Variants in CCDC169 observed in about 807,000 individuals in gnomAD.
The protein encoded by CCDC169 is coiled-coil domain containing 169.
In CCDC169, 30 loss-of-function variants were observed where a neutral mutation model predicts 36.0. The observed-to-expected ratio is 0.83, with a 90% confidence interval of 0.62 to 1.13. The LOEUF (loss-of-function observed/expected upper bound fraction) is 1.13, where lower values mean the gene tolerates loss of function less well. CCDC169 is among the 50% of genes most tolerant of loss of function. CCDC169 has a pLI of 0.00. For missense variants in CCDC169, 245 were observed against 245.9 expected (o/e 1.00, Z 0.03); for synonymous variants, 85 against 81.5 (o/e 1.04, Z -0.23).
chr13:36,297,609 C>T (rs1336207133), intron 1 of CCDC169, 28 bp downstream of exon 1: 2 of 1,544,064 alleles, frequency 1.3e-6, no homozygotes, highest in African/African-American at 1.4e-5. Context: ...GTGGACGGGA[C>T]CCCACACCGC....
At chr13:36,257,711 A>G (rs1874091039) in intron 4 of CCDC169, among the ~76,000 whole-genome samples, 1 of 146,578 alleles carries the variant, frequency 6.8e-6, no homozygotes, top group African/African-American at 2.6e-5. Flanking sequence ...AAAAAAAAAG[A>G]AAAAAAGAAA....
chr13:36,266,450 C>CA (rs1013550971), intron 4 of CCDC169, among the ~76,000 whole-genome samples: 5 of 152,126 alleles, frequency 3.3e-5, no homozygotes, highest in Admixed American at 2.6e-4. Context: ...GATGTCCTGT[C>CA]AGAGTTTTCA....
chr13:36,224,059 T>G (rs1300789874), downstream of CCDC169: 3 of 152,168 alleles, frequency 2.0e-5, no homozygotes, highest in Non-Finnish European at 4.4e-5. Context: ...CTTTATAAAT[T>G]TTTTAAAAAT....
intron 7 of CCDC169, 50 bp from the exon 8 acceptor site, chr13:36,231,342 A>T (rs1422975086): frequency 3.3e-6 from 5 of 1,518,158 alleles, no homozygotes; most frequent in Middle Eastern, 1.7e-4. Context: ...ATTATGTACA[A>T]CAAAAACATT....
chr13:36,271,761 T>A (rs775341782), intron 4 of CCDC169, among the ~76,000 whole-genome samples: 11 of 151,270 alleles, frequency 7.3e-5, no homozygotes, highest in Non-Finnish European at 1.6e-4. Flanking sequence ...CAGAAGGGGG[T>A]GGCTGGGAGG....
At chr13:36,248,802 A>T in intron 6 of CCDC169, 120 bp from the exon 7 acceptor site, 2 of 832,274 alleles carry the variant, frequency 2.4e-6, no homozygotes, top group Non-Finnish European at 3.7e-6. Flanking sequence ...CATGTGTAAG[A>T]GAAGCTGAGA....
At chr13:36,287,683 T>A (rs1340854419) in intron 2 of CCDC169, among the ~76,000 whole-genome samples, 1 of 152,162 alleles carries the variant, frequency 6.6e-6, no homozygotes, top group Non-Finnish European at 1.5e-5. Context: ...TAAATAAAAG[T>A]GGTTTTAAAA....
intron 2 of CCDC169, among the ~76,000 whole-genome samples, chr13:36,285,041 A>G (rs1318687880): frequency 6.6e-6 from 1 of 152,196 alleles, no homozygotes; most frequent in Non-Finnish European, 1.5e-5. Context: ...GTATGGAATC[A>G]TCTTTATAAC....
chr13:36,267,414 G>A (rs935899767), intron 4 of CCDC169: 1 of 152,258 alleles, frequency 6.6e-6, no homozygotes, highest in Middle Eastern at 3.4e-3. Flanking sequence ...AATGCTGAGG[G>A]AATTTGTCAC....
chr13:36,295,208 C>T (rs999203483), intron 2 of CCDC169, among the ~76,000 whole-genome samples: 1 of 152,150 alleles, frequency 6.6e-6, no homozygotes, highest in African/African-American at 2.4e-5. Flanking sequence ...TTCTCATATC[C>T]ATAATCTGAT....
At chr13:36,226,020 A>G (rs187528000), downstream of CCDC169, 1 of 152,322 alleles carries the variant, frequency 6.6e-6, no homozygotes, top group East Asian at 1.9e-4. Flanking sequence ...CACTGTGGAA[A>G]GCAGTCTGAA....
At chr13:36,255,808 T>C (rs1014276572) in intron 4 of CCDC169, among the ~76,000 whole-genome samples, 4 of 152,156 alleles carry the variant, frequency 2.6e-5, no homozygotes, top group Non-Finnish European at 5.9e-5. Context: ...TAAGCTACCA[T>C]TGTCATCCAC....
chr13:36,238,234 C>A (rs572324596), intron 7 of CCDC169, among the ~76,000 whole-genome samples: 1 of 152,016 alleles, frequency 6.6e-6, no homozygotes, highest in Non-Finnish European at 1.5e-5. Flanking sequence ...CATGAATATA[C>A]GAAAAATCAC....
At chr13:36,224,579 C>G (rs1457539358), downstream of CCDC169, 1 of 152,092 alleles carries the variant, frequency 6.6e-6, no homozygotes, top group Non-Finnish European at 1.5e-5. Context: ...AGGAATATAT[C>G]TAACCAAGGA....
chr13:36,262,390 A>T (rs978027810), intron 4 of CCDC169, among the ~76,000 whole-genome samples: 1 of 152,208 alleles, frequency 6.6e-6, no homozygotes, highest in Non-Finnish European at 1.5e-5. Flanking sequence ...GTGAAAGTAC[A>T]TTATATATTG....
chr13:36,290,162 G>A (rs181350603), intron 2 of CCDC169, among the ~76,000 whole-genome samples: 39 of 152,174 alleles, frequency 2.6e-4, no homozygotes, highest in African/African-American at 7.5e-4. Flanking sequence ...TAAGTTAACC[G>A]AAGCCCCATT....
chr13:36,238,480 G>C (rs1310661089), intron 7 of CCDC169, among the ~76,000 whole-genome samples: 2 of 151,968 alleles, frequency 1.3e-5, no homozygotes, highest in Non-Finnish European at 2.9e-5. Flanking sequence ...TTTTAAATGT[G>C]CTTTGGGAAT....
rs1247390239 is a variant in CCDC169 at position 36,283,708 on chromosome 13, T to C, written c.164-6A>G. 1 of 1,542,634 alleles carries C rather than the reference T, an allele frequency of 6.5e-7. No homozygotes were observed. Among genetic ancestry groups the C allele is most frequent in the Non-Finnish European group, 8.8e-7 (1 of 1,140,488 alleles). On this transcript the variant is annotated splice_region_variant and splice_polypyrimidine_tract_variant and intron_variant, in intron 2 of 7. Transcript: ENST00000239859. ...ACGGGTTTTCCATTCACTACCTGAG[T>C]AAAAACAGGGAGAAACAATCAAGAT... is the stretch of plus-strand genomic sequence containing the variant.
At chr13:36,279,765 A>T (rs925088999) in intron 4 of CCDC169, among the ~76,000 whole-genome samples, 1 of 152,208 alleles carries the variant, frequency 6.6e-6, no homozygotes, top group African/African-American at 2.4e-5. Context: ...GGTGTTGTCT[A>T]TGGCTCCCTT....
Sources: allele counts gnomAD v4.1 joint callset (sites outside exome capture counted in the v4.1 genomes callset), GRCh38; gene constraint gnomAD v4.1.1; transcripts MANE v1.5; gene names NCBI Gene and HGNC (gene_info 2026-07-23, HGNC 2026-07-21).